Variants in MPV17L observed in about 807,000 individuals in gnomAD.
MPV17L encodes the protein MPV17 mitochondrial inner membrane protein like, also known as mpv17-like protein.
In MPV17L, 24 loss-of-function variants were observed where a neutral mutation model predicts 25.8. The ratio of observed to expected loss-of-function variants is 0.93; its 90% confidence interval spans 0.67 to 1.31. MPV17L has a LOEUF of 1.31. Ranked by LOEUF, MPV17L falls within the 50% of genes most tolerant of loss-of-function variation. The pLI is 0.00. For missense variants in MPV17L, 250 were observed against 265.6 expected (o/e 0.94, Z 0.41); for synonymous variants, 102 against 115.3 (o/e 0.88, Z 0.74).
At position 15,401,188 on chromosome 16, in the gene MPV17L, C is replaced by T. The variant is rs1414322818; in HGVS notation, c.381+331C>T. 2.0e-5 allele frequency among the ~76,000 whole-genome samples: 3 copies of T among 146,580 alleles called. No homozygotes were observed. The South Asian group carries it at 6.6e-4, about 32-fold the overall frequency. On this transcript the variant is annotated intron_variant, in intron 2 of 3. Coordinates refer to ENST00000396385, the MANE Select transcript of MPV17L (RefSeq NM_001128423.2). ...AATGCAGTGGCATGGTCATGGCTCACTGCAGCCTGGACCTCCTGAGCTCAA... is the reference window on the plus strand; with the variant it reads ...AATGCAGTGGCATGGTCATGGCTCATTGCAGCCTGGACCTCCTGAGCTCAA...
rs571182234 is a variant in MPV17L, at chr16:15,407,983, A to C, written c.462A>C (p.Gly154=). The change falls in exon 4 of 4, where the codon GGA becomes GGC. Residue 154 remains glycine (G), a synonymous_variant. Coordinates refer to ENST00000396385, the MANE Select transcript of MPV17L (RefSeq NM_001128423.2). Reference sequence around the variant, plus strand: ...TTCAATGGAGAACAGCTTACGCTGGAGTCTGTGGTTTTCTCTGGGCCACCT... The same window carrying C: ...TTCAATGGAGAACAGCTTACGCTGGCGTCTGTGGTTTTCTCTGGGCCACCT... The part of the protein sequence containing the change: ...VPVQWRTAYA[G]VCGFLWATFI... 1.2e-5 allele frequency: 20 copies of C among 1,614,000 alleles called. No individual in the cohort carries two copies. In the East Asian group the frequency reaches 2.2e-4, roughly 18 times the overall value.
At chr16:15,396,663 G>T (rs145760191) in intron 1 of MPV17L, among the ~76,000 whole-genome samples, 1 of 152,190 alleles carries the variant, frequency 6.6e-6, no homozygotes, top group Non-Finnish European at 1.5e-5. Flanking sequence ...CCGACCTGCT[G>T]TTCAGAAAAT....
intron 2 of MPV17L, among the ~76,000 whole-genome samples, chr16:15,401,058 G>GTGTGTATATA (rs1322619970): frequency 4.5e-5 from 2 of 44,256 alleles, no homozygotes; most frequent in African/African-American, 2.1e-4. Context: ...ATGTGTGTGT[G>GTGTGTATATA]TATATATATA....
intron 1 of MPV17L, among the ~76,000 whole-genome samples, chr16:15,398,778 G>A (rs2050609077): frequency 6.6e-6 from 1 of 151,700 alleles, no homozygotes; most frequent in South Asian, 2.1e-4. Context: ...GTTTTTAGTA[G>A]AGACGGGGTT....
In MPV17L at chr16:15,405,456, T is replaced by A. The variant is rs1332757459; in HGVS notation, c.382-2368T>A. On this transcript the variant is annotated intron_variant, in intron 2 of 3. Coordinates refer to ENST00000396385, the MANE Select transcript of MPV17L (RefSeq NM_001128423.2). ...TATTTTTGCTAAAGTTTTAATTTTT[T>A]TTTTTTTTTTGAGACAGAGTCTCGT... Among the ~76,000 whole-genome samples the A allele has an allele frequency of 3.3e-5, 5 of 151,182 alleles. No individual in the cohort carries two copies. The East Asian group carries it at 9.8e-4, about 29-fold the overall frequency.
At position 15,395,976 on chromosome 16, in the gene MPV17L, C is replaced by G; in HGVS notation, c.79C>G (p.Leu27Val). ...WPTNVLLYGSLVSAGDALQQR... is the reference protein window; with the variant it reads ...WPTNVLLYGSVVSAGDALQQR... ...CACCAACGTGCTGCTTTACGGCTCG[C>G]TCGTCTCGGCCGGGGACGCGCTGCA... Residue 27 changes from leucine to valine, a missense_variant, in exon 1 of 4, where the codon CTC becomes GTC. Leu to Val is a conservative substitution (Grantham distance 32). Transcript: ENST00000396385. 3 of 1,513,136 alleles carry G rather than the reference C, an allele frequency of 2.0e-6. No individual in the cohort carries two copies. The highest frequency in any genetic ancestry group is 2.6e-6 in the Non-Finnish European group (3 of 1,138,554). 93.7% of individuals were successfully genotyped at this position (1,513,136 alleles called of 1,614,324 possible). A position where few individuals can be genotyped will look rare whatever the true frequency, so the allele number is the denominator to read the frequency against.
chr16:15,412,464 CT>C lies in MPV17L; in HGVS notation c.*4355del, dbSNP rs2050741359. 6.7e-6 allele frequency: 1 copy of C among 150,130 alleles called. No individual in the cohort carries two copies. The highest frequency in any genetic ancestry group is 6.7e-5 in the Admixed American group (1 of 15,010). The allele number at this position is 150,130 out of a possible 1,614,324, so 9.3% of individuals were successfully genotyped here. ...AAAAAAAGAAAGAAAAGTAAATTAA[CT>C]TTGGTATTTCAGGTTGTATTTATAT... On this transcript the variant is annotated 3_prime_UTR_variant, in exon 4 of 4. Transcript: ENST00000396385.
chr16:15,408,379 C>T lies in MPV17L; in HGVS notation c.*267C>T. 1 of 301,844 alleles carries T rather than the reference C, an allele frequency of 3.3e-6. No individual in the cohort carries two copies. Among genetic ancestry groups the T allele is most frequent in the Non-Finnish European group, 6.0e-6 (1 of 165,324 alleles). 18.7% of individuals were successfully genotyped at this position (301,844 alleles called of 1,614,324 possible). On this transcript the variant is annotated 3_prime_UTR_variant, in exon 4 of 4. Transcript: ENST00000396385. ...TGGCATTTTAGAATTATTAATATTT[C>T]TAATATTTTAACACAAGTTTCAGGA... is the stretch of plus-strand genomic sequence containing the variant.
At chr16:15,401,543 C>T (rs1310385646) in intron 2 of MPV17L, among the ~76,000 whole-genome samples, 5 of 152,014 alleles carry the variant, frequency 3.3e-5, no homozygotes, top group Non-Finnish European at 5.9e-5. Flanking sequence ...TCTCTGGGCC[C>T]GGTGCAGTGG....
At chr16:15,398,846 G>T (rs1045208892) in intron 1 of MPV17L, among the ~76,000 whole-genome samples, 1 of 151,860 alleles carries the variant, frequency 6.6e-6, no homozygotes. Flanking sequence ...TGCCCACCTC[G>T]GTCTCCCAAA....
rs148793965 is a variant in MPV17L, at chr16:15,407,831, T to C, written c.389T>C (p.Leu130Pro). 2.9e-5 allele frequency: 46 copies of C among 1,612,284 alleles called. No individual in the cohort carries two copies. The African/African-American group carries it at 5.6e-4, about 20-fold the overall frequency. Reference sequence around the variant, plus strand: ...TTTTTTTCCCAATTCCAGAGTGGACTGATGTACTGGCCCTTTGTACAGGTA... The same window carrying C: ...TTTTTTTCCCAATTCCAGAGTGGACCGATGTACTGGCCCTTTGTACAGGTA... ...QKFWNTYLSG[L>P]MYWPFVQLTN... is the part of the protein sequence containing the mutation. Residue 130 changes from leucine to proline, a missense_variant, in exon 3 of 4, where the codon CTG becomes CCG. By Grantham distance (98) the Leu-to-Pro change is moderately conservative. Transcript: ENST00000396385.
In MPV17L at chr16:15,408,364, G is replaced by T. The variant is rs760149411; in HGVS notation, c.*252G>T. ...ATAATAGTGGCAAAATGGCATTTTAGAATTATTAATATTTCTAATATTTTA... is the reference window on the plus strand; with the variant it reads ...ATAATAGTGGCAAAATGGCATTTTATAATTATTAATATTTCTAATATTTTA... On this transcript the variant is annotated 3_prime_UTR_variant, in exon 4 of 4. Coordinates refer to ENST00000396385, the MANE Select transcript of MPV17L (RefSeq NM_001128423.2). 4 of 344,704 alleles carry T rather than the reference G, an allele frequency of 1.2e-5. No individual in the cohort carries two copies. The highest frequency in any genetic ancestry group is 4.4e-5 in the Admixed American group (1 of 22,900). The allele number at this position is 344,704 out of a possible 1,614,324, so 21.4% of individuals were successfully genotyped here.
intron 1 of MPV17L, among the ~76,000 whole-genome samples, chr16:15,400,277 C>G (rs1199903875): frequency 6.6e-6 from 1 of 151,226 alleles, no homozygotes; most frequent in African/African-American, 2.4e-5. Context: ...TTTTTATACT[C>G]TGCTATTCTC....
Position 15,412,752 on chromosome 16 carries a change from T to TG in MPV17L, c.*4640_*4641insG, listed in dbSNP as rs1298901897. 6.6e-6 allele frequency: 1 copy of TG among 151,246 alleles called. No homozygotes were observed. Among genetic ancestry groups the TG allele is most frequent in the Non-Finnish European group, 1.5e-5 (1 of 67,780 alleles). The allele number at this position is 151,246 out of a possible 1,614,324, so 9.4% of individuals were successfully genotyped here. A position where few individuals can be genotyped will look rare whatever the true frequency, so the allele number is the denominator to read the frequency against. On this transcript the variant is annotated 3_prime_UTR_variant, in exon 4 of 4. Coordinates refer to ENST00000396385, the MANE Select transcript of MPV17L (RefSeq NM_001128423.2). ...CATGACCCACTAATTTTTTTTTTTT[T>TG]TGGATTTTTAGTAGAGTCGGGGTTT...
intron 1 of MPV17L, among the ~76,000 whole-genome samples, chr16:15,398,931 C>T (rs1203388062): frequency 1.3e-5 from 2 of 151,954 alleles, no homozygotes; most frequent in African/African-American, 4.8e-5. Flanking sequence ...CCTTACCTCA[C>T]ATTTCAATGA....
chr16:15,404,966 A>G (rs554996002), intron 2 of MPV17L, among the ~76,000 whole-genome samples: 5 of 152,158 alleles, frequency 3.3e-5, no homozygotes, highest in Admixed American at 6.6e-5. Context: ...TAGCGCTCAC[A>G]TGTCCCAGAT....
intron 2 of MPV17L, among the ~76,000 whole-genome samples, chr16:15,401,058 G>GTGTATATATA (rs1322619970): frequency 6.8e-5 from 3 of 44,246 alleles, no homozygotes; most frequent in Non-Finnish European, 1.1e-4. Context: ...ATGTGTGTGT[G>GTGTATATATA]TATATATATA....
At chr16:15,406,812 G>A (rs1157675612) in intron 2 of MPV17L, among the ~76,000 whole-genome samples, 6 of 152,036 alleles carry the variant, frequency 3.9e-5, no homozygotes, top group African/African-American at 1.4e-4. Context: ...TGTGATCCCA[G>A]CTACTCAGGA....
chr16:15,400,978 C>T, intron 2 of MPV17L, 121 bp downstream of exon 2: 1 of 492,644 alleles, frequency 2.0e-6, no homozygotes, highest in East Asian at 5.1e-5. Flanking sequence ...TTAATTGACA[C>T]ATATAAGTAC....
Sources: gnomAD v4.1 joint callset for allele counts (sites outside exome capture counted in the v4.1 genomes callset) on GRCh38, gnomAD v4.1.1 for gene constraint, MANE v1.5 for transcripts, NCBI Gene and HGNC (gene_info 2026-07-23, HGNC 2026-07-21) for gene names.